Variants in RIMBP2 observed in about 807,000 individuals in gnomAD.
The protein encoded by RIMBP2 is RIMS-binding protein 2.
RIMBP2 carries 48 observed loss-of-function variants against 118.6 expected under a neutral mutation model. The observed-to-expected ratio is 0.40, with a 90% CI of 0.32 to 0.51. The LOEUF (loss-of-function observed/expected upper bound fraction) is 0.51. Ranked by LOEUF, RIMBP2 falls within the 20% of genes least tolerant of loss-of-function variation. The probability of loss-of-function intolerance (pLI) is 0.41; values close to 1 mark genes in which losing one functional copy is unlikely to be tolerated. For missense variants in RIMBP2, 1,551 were observed against 1,768.3 expected (o/e 0.88, Z 2.20); for synonymous variants, 762 against 742.9 (o/e 1.03, Z -0.42).
intron 21 of RIMBP2, among the ~76,000 whole-genome samples, chr12:130,401,754 T>A (rs896096769): frequency 6.6e-6 from 1 of 152,142 alleles, no homozygotes; most frequent in Admixed American, 6.5e-5. Context: ...TCAAAAGTTA[T>A]AACCAGTCAA....
intron 2 of RIMBP2, among the ~76,000 whole-genome samples, chr12:130,612,255 T>C (rs1488740497): frequency 6.6e-6 from 1 of 152,152 alleles, no homozygotes; most frequent in African/African-American, 2.4e-5. Flanking sequence ...CCTTCCACGG[T>C]GAAAACAGGC....
At chr12:130,481,067 G>A (rs1385100955) in intron 4 of RIMBP2, among the ~76,000 whole-genome samples, 2 of 150,480 alleles carry the variant, frequency 1.3e-5, no homozygotes, top group African/African-American at 2.4e-5. Context: ...AGGCGAGGGA[G>A]TCCCTGCTGA....
intron 2 of RIMBP2, among the ~76,000 whole-genome samples, chr12:130,619,530 G>A (rs534614622): frequency 2.6e-4 from 40 of 152,180 alleles, no homozygotes; most frequent in African/African-American, 3.9e-4. Context: ...ACCAAGTGGC[G>A]ATTTTGGAAA....
intron 21 of RIMBP2, among the ~76,000 whole-genome samples, chr12:130,402,773 C>G (rs887791903): frequency 6.6e-6 from 1 of 152,154 alleles, no homozygotes; most frequent in Non-Finnish European, 1.5e-5. Context: ...GTGAGACATC[C>G]ACTCGTGTTT....
At chr12:130,646,382 A>ACCACTTCCCTCT in intron 1 of RIMBP2, among the ~76,000 whole-genome samples, 1 of 45,564 alleles carries the variant, frequency 2.2e-5, no homozygotes, top group Admixed American at 2.0e-4. Flanking sequence ...CACCTCCCTC[A>ACCACTTCCCTCT]CCACCTCCCT....
chr12:130,438,752 T>C (rs561509522), intron 11 of RIMBP2, among the ~76,000 whole-genome samples: 1 of 152,102 alleles, frequency 6.6e-6, no homozygotes, highest in Admixed American at 6.5e-5. Context: ...CGGCATTTAG[T>C]CACCATCTTC....
intron 16 of RIMBP2, among the ~76,000 whole-genome samples, chr12:130,423,656 CA>C (rs36000671): frequency 0.48 from 24,052 of 49,986 alleles, 3,931 homozygotes; most frequent in South Asian, 0.57. Context: ...AAACAATATG[CA>C]AAAAAAAAAA....
chr12:130,509,459 G>C (rs1240939515), intron 3 of RIMBP2, among the ~76,000 whole-genome samples: 1 of 152,202 alleles, frequency 6.6e-6, no homozygotes, highest in Non-Finnish European at 1.5e-5. Context: ...GTCTACCCCG[G>C]CTTCATTCTG....
rs1296983282 is a variant in RIMBP2 at position 130,710,421 on chromosome 12, T to TGCACACACACACACATACACGCAGGC, written c.-352+5800_-352+5801insGCCTGCGTGTATGTGTGTGTGTGTGC. On this transcript the variant is annotated intron_variant, in intron 1 of 22. Coordinates refer to ENST00000690449, the MANE Select transcript of RIMBP2 (RefSeq NM_001393629.1). The surrounding 1 kb of genome is among the most constrained non-coding windows in gnomAD (Gnocchi z 4.3). ...ATTCACTTGCCCGTTGTCTTACACATGCACACACACACATACACGCAGGCG... is the reference window on the plus strand; with the variant it reads ...ATTCACTTGCCCGTTGTCTTACACATGCACACACACACACATACACGCAGGCGCACACACACACATACACGCAGGCG... Among the ~76,000 whole-genome samples the TGCACACACACACACATACACGCAGGC allele has an allele frequency of 7.3e-5, 11 of 151,530 alleles. No homozygotes were observed. Among genetic ancestry groups the TGCACACACACACACATACACGCAGGC allele is most frequent in the African/African-American group, 2.7e-4 (11 of 40,940 alleles).
At chr12:130,485,600 T>C (rs1240434277) in intron 4 of RIMBP2, among the ~76,000 whole-genome samples, 1 of 152,212 alleles carries the variant, frequency 6.6e-6, no homozygotes, top group East Asian at 1.9e-4. Flanking sequence ...CTTCTCTTTA[T>C]TTTGGAAGGG....
At chr12:130,462,428 C>T (rs536938174) in intron 6 of RIMBP2, among the ~76,000 whole-genome samples, 1 of 152,350 alleles carries the variant, frequency 6.6e-6, no homozygotes, top group South Asian at 2.1e-4. Context: ...CCGGCTGCGT[C>T]TCCACCGAGG....
At chr12:130,586,045 T>C (rs904464612) in intron 2 of RIMBP2, among the ~76,000 whole-genome samples, 1 of 152,232 alleles carries the variant, frequency 6.6e-6, no homozygotes, top group Non-Finnish European at 1.5e-5. Flanking sequence ...ATTTCAAAAG[T>C]AGTTATGAAA....
At position 130,469,484 on chromosome 12, in the gene RIMBP2, A is replaced by C. The variant is rs1003282031; in HGVS notation, c.153+1209T>G. The stretch of plus-strand genomic sequence containing the variant: ...GTGCGGTGGATAACTCAGGCCAGGG[A>C]AAGTGAATTATTTTCCAGGGAGATA... On this transcript the variant is annotated intron_variant, in intron 6 of 22. Coordinates refer to ENST00000690449, the MANE Select transcript of RIMBP2 (RefSeq NM_001393629.1). The surrounding 1 kb of genome is among the most constrained non-coding windows in gnomAD (Gnocchi z 4.8). Among the ~76,000 whole-genome samples, 3 of 152,180 alleles carry C rather than the reference A, an allele frequency of 2.0e-5. No individual in the cohort carries two copies. Among genetic ancestry groups the C allele is most frequent in the Non-Finnish European group, 2.9e-5 (2 of 68,028 alleles).
chr12:130,438,339 T>G, intron 12 of RIMBP2, 26 bp downstream of exon 12: 76 of 755,492 alleles, frequency 1.0e-4, no homozygotes, highest in Non-Finnish European at 1.4e-4. Flanking sequence ...TAACAAACCC[T>G]CCCCACCCAC....
At chr12:130,535,758 T>TAC (rs1566218322) in intron 2 of RIMBP2, among the ~76,000 whole-genome samples, 2 of 63,336 alleles carry the variant, frequency 3.2e-5, no homozygotes, top group African/African-American at 8.7e-5. Context: ...TATATATATA[T>TAC]ATATATATAT....
intron 2 of RIMBP2, among the ~76,000 whole-genome samples, chr12:130,591,761 T>G (rs1022844714): frequency 6.6e-6 from 1 of 152,254 alleles, no homozygotes; most frequent in Non-Finnish European, 1.5e-5. Flanking sequence ...GAATTACAAC[T>G]GCAAAGACCC....
chr12:130,703,282 C>T lies in RIMBP2; in HGVS notation c.-352+12940G>A, dbSNP rs747387357. On this transcript the variant is annotated intron_variant, in intron 1 of 22. Transcript: ENST00000690449. This position sits in a 1 kb window ranked among gnomAD's most constrained non-coding sequence, Gnocchi z 5.7. ...CCGATTAACCTCCAGGCGGGCTCCCCCTCCGCCCTGGACATTTTCAGTTTC... is the reference window on the plus strand; with the variant it reads ...CCGATTAACCTCCAGGCGGGCTCCCTCTCCGCCCTGGACATTTTCAGTTTC... Among the ~76,000 whole-genome samples, 1 of 152,138 alleles carries T rather than the reference C, an allele frequency of 6.6e-6. No homozygotes were observed. Among genetic ancestry groups the T allele is most frequent in the South Asian group, 2.1e-4 (1 of 4,822 alleles).
At chr12:130,561,519 C>T (rs2056822872) in intron 2 of RIMBP2, among the ~76,000 whole-genome samples, 2 of 152,054 alleles carry the variant, frequency 1.3e-5, no homozygotes, top group Admixed American at 1.3e-4. Context: ...AGTTTGTAAG[C>T]CTCTTTCTCC....
chr12:130,591,937 G>A lies in RIMBP2; in HGVS notation c.-217+36385C>T, dbSNP rs374314616. 7.2e-5 allele frequency among the ~76,000 whole-genome samples: 11 copies of A among 152,292 alleles called. No homozygotes were observed. The South Asian group carries it at 1.4e-3, about 20-fold the overall frequency. ...CTGACAGCCTGGATGGCTGCCCTGCGCTGCACCACTGCCCCAGCCGAGCCA... is the reference window on the plus strand; with the variant it reads ...CTGACAGCCTGGATGGCTGCCCTGCACTGCACCACTGCCCCAGCCGAGCCA... On this transcript the variant is annotated intron_variant, in intron 2 of 22. Coordinates refer to ENST00000690449, the MANE Select transcript of RIMBP2 (RefSeq NM_001393629.1).
Sources: allele counts gnomAD v4.1 joint callset (sites outside exome capture counted in the v4.1 genomes callset), GRCh38; gene constraint gnomAD v4.1.1; non-coding constraint Gnocchi (gnomAD v3.1); transcripts MANE v1.5; gene names NCBI Gene and HGNC (gene_info 2026-07-23, HGNC 2026-07-21).